The following STK31 variants were observed in gnomAD, a reference collection of about 807,000 sequenced individuals.
The protein encoded by STK31 is serine/threonine-protein kinase 31.
In STK31, 89 loss-of-function variants were observed where a neutral mutation model predicts 129.7. The ratio of observed to expected loss-of-function variants is 0.69; its 90% CI spans 0.58 to 0.82. STK31 has a LOEUF of 0.82. Ranked by LOEUF, STK31 falls within the 40% of genes least tolerant of loss-of-function variation. The probability of loss-of-function intolerance (pLI) is 0.00; values close to 1 mark genes in which losing one functional copy is unlikely to be tolerated. For synonymous variants in STK31, 448 were observed against 395.3 expected (o/e 1.13, Z -1.58); for missense variants, 1,187 against 1,176.4 (o/e 1.01, Z -0.13).
chr7:23,721,363 T>C, intron 4 of STK31: 1 of 844,812 alleles, frequency 1.2e-6, no homozygotes, highest in South Asian at 1.4e-5. Flanking sequence ...AGGGGCAGCG[T>C]TGTGATTTTT....
intron 8 of STK31, among the ~76,000 whole-genome samples, chr7:23,750,768 A>G (rs928339586): frequency 9.2e-5 from 14 of 152,264 alleles, no homozygotes; most frequent in Admixed American, 5.2e-4. Flanking sequence ...GTATTTGTAT[A>G]TGTTTACTGG....
chr7:23,726,464 A>G (rs1199814299), intron 4 of STK31: 1 of 146,198 alleles, frequency 6.8e-6, no homozygotes, highest in Non-Finnish European at 1.5e-5. Context: ...AAAATACAAA[A>G]CTTAGCCCAG....
intron 1 of STK31, 23 bp downstream of exon 1, chr7:23,710,358 C>T (rs112719291): frequency 3.7e-6 from 6 of 1,613,258 alleles, no homozygotes; most frequent in Admixed American, 1.7e-5. Flanking sequence ...TTTTGTGGTA[C>T]GTGCAGTGGT....
At chr7:23,756,569 T>C (rs1270864351) in intron 10 of STK31, among the ~76,000 whole-genome samples, 1 of 152,216 alleles carries the variant, frequency 6.6e-6, no homozygotes, top group Non-Finnish European at 1.5e-5. Flanking sequence ...CGTTGTCTTG[T>C]ACCAGTTTTC....
intron 7 of STK31, 91 bp downstream of exon 7, chr7:23,735,987 T>C: frequency 9.3e-7 from 1 of 1,080,796 alleles, no homozygotes; most frequent in South Asian, 1.9e-5. Context: ...TTGGAATCCT[T>C]TACTGTGTCA....
chr7:23,787,011 T>G (rs1409748739), intron 20 of STK31, 87 bp downstream of exon 20: 2 of 1,350,242 alleles, frequency 1.5e-6, no homozygotes, highest in Non-Finnish European at 1.0e-6. Flanking sequence ...ACATGCTATG[T>G]ATTTTGTAAA....
At chr7:23,738,608 C>A (rs759443900) in intron 8 of STK31, among the ~76,000 whole-genome samples, 13 of 151,834 alleles carry the variant, frequency 8.6e-5, no homozygotes, top group Non-Finnish European at 1.3e-4. Flanking sequence ...TTATTTATAT[C>A]CCCAATGGCA....
chr7:23,767,742 G>A (rs1789920869), intron 11 of STK31, among the ~76,000 whole-genome samples: 1 of 152,134 alleles, frequency 6.6e-6, no homozygotes, highest in South Asian at 2.1e-4. Flanking sequence ...CTGATGTGAG[G>A]GAGAGAGAAG....
chr7:23,747,021 G>A (rs925771606), intron 8 of STK31, among the ~76,000 whole-genome samples: 1 of 152,106 alleles, frequency 6.6e-6, no homozygotes, highest in Non-Finnish European at 1.5e-5. Flanking sequence ...GTTCAAACCT[G>A]TGTTGTTCAG....
At chr7:23,830,020 G>C (rs1019589842) in intron 23 of STK31, among the ~76,000 whole-genome samples, 4 of 151,820 alleles carry the variant, frequency 2.6e-5, no homozygotes, top group African/African-American at 7.3e-5. Context: ...TGCAATCTTG[G>C]CTCACTGCAA....
intron 3 of STK31, among the ~76,000 whole-genome samples, chr7:23,716,021 A>G (rs889038352): frequency 7.2e-5 from 11 of 152,176 alleles, no homozygotes; most frequent in African/African-American, 2.7e-4. Context: ...GGGAATTAAC[A>G]TTAGTACAAT....
At chr7:23,736,872 G>A in intron 7 of STK31, 32 bp from the exon 8 acceptor site, 3 of 1,568,692 alleles carry the variant, frequency 1.9e-6, no homozygotes, top group Non-Finnish European at 2.6e-6. Flanking sequence ...TATACAGTTT[G>A]TTTGTCAAAA....
At chr7:23,784,805 A>G (rs577448606) in intron 17 of STK31, among the ~76,000 whole-genome samples, 2 of 152,288 alleles carry the variant, frequency 1.3e-5, no homozygotes, top group East Asian at 3.9e-4. Flanking sequence ...TATTCCTTTT[A>G]AAAAGTAGCA....
rs1791213957 is a variant in STK31, at chr7:23,785,485, GT to G, written c.2157del (p.Gly720ValfsTer5). 1 of 1,613,330 alleles carries G rather than the reference GT, an allele frequency of 6.2e-7. No individual in the cohort carries two copies. Among genetic ancestry groups the G allele is most frequent in the Non-Finnish European group, 8.5e-7 (1 of 1,179,544 alleles). On this transcript the variant is annotated frameshift_variant, in exon 18 of 24. Transcript: ENST00000355870. LOFTEE classifies it high-confidence loss of function. The stretch of plus-strand genomic sequence containing the variant: ...ATAAAAACTTGTGCCTAGAACTCTG[GT>G]GGTCTCCTTACAATGAGCTTGGAAC... ...EIGLLKYMNS[G>X]GLLTMSLERD...
At chr7:23,805,085 T>G (rs1486038187) in intron 22 of STK31, among the ~76,000 whole-genome samples, 1 of 151,750 alleles carries the variant, frequency 6.6e-6, no homozygotes, top group Non-Finnish European at 1.5e-5. Context: ...CTCTCTCTTT[T>G]TTTTTTTTGA....
chr7:23,789,904 T>C (rs1791514200), intron 21 of STK31, among the ~76,000 whole-genome samples: 1 of 152,162 alleles, frequency 6.6e-6, no homozygotes, highest in South Asian at 2.1e-4. Flanking sequence ...TGCTACATTT[T>C]CCATGCAATT....
intron 4 of STK31, among the ~76,000 whole-genome samples, chr7:23,724,172 C>G (rs952925979): frequency 1.6e-4 from 24 of 152,062 alleles, no homozygotes; most frequent in African/African-American, 5.3e-4. Context: ...AATGCTATGC[C>G]GGACAGGAAC....
chr7:23,800,586 TGGG>T (rs1222985239), intron 22 of STK31, among the ~76,000 whole-genome samples: 1 of 150,112 alleles, frequency 6.7e-6, no homozygotes, highest in Non-Finnish European at 1.5e-5. Flanking sequence ...CATCACACAG[TGGG>T]GCCTGTTGGG....
At chr7:23,782,534 T>C (rs988485497) in intron 16 of STK31, among the ~76,000 whole-genome samples, 15 of 129,944 alleles carry the variant, frequency 1.2e-4, no homozygotes, top group Admixed American at 3.7e-4. Flanking sequence ...GTGAAAACAA[T>C]AGGTAAGTGT....
Sources: gnomAD v4.1 joint callset for allele counts (sites outside exome capture counted in the v4.1 genomes callset) on GRCh38, gnomAD v4.1.1 for gene constraint, MANE v1.5 for transcripts, NCBI Gene and HGNC (gene_info 2026-07-23, HGNC 2026-07-21) for gene names.